The following DLG1 variants were observed in gnomAD, a reference collection of about 807,000 sequenced individuals.
The protein encoded by DLG1 is disks large homolog 1.
A neutral mutation model predicts 123.4 loss-of-function variants in DLG1; 42 were observed. The ratio of observed to expected loss-of-function variants is 0.34; its 90% confidence interval spans 0.27 to 0.44. The LOEUF (loss-of-function observed/expected upper bound fraction) is 0.44. Ranked by LOEUF, DLG1 falls within the 20% of genes least tolerant of loss-of-function variation. The probability of loss-of-function intolerance (pLI) is 1.00; values close to 1 mark genes in which losing one functional copy is unlikely to be tolerated. For synonymous variants in DLG1, 317 were observed against 356.2 expected (o/e 0.89, Z 1.24); for missense variants, 942 against 1,082.6 (o/e 0.87, Z 1.82).
intron 6 of DLG1, among the ~76,000 whole-genome samples, chr3:197,146,580 G>A (rs1201492269): frequency 6.6e-6 from 1 of 152,162 alleles, no homozygotes; most frequent in East Asian, 1.9e-4. Context: ...ATGGTGCTGG[G>A]ATAATTGGCT....
intron 16 of DLG1, among the ~76,000 whole-genome samples, chr3:197,081,991 CTA>C (rs1161072171): frequency 6.6e-6 from 1 of 152,202 alleles, no homozygotes; most frequent in East Asian, 1.9e-4. Flanking sequence ...CAAAACAAGA[CTA>C]TGAATAAATG....
chr3:197,089,677 C>G (rs1419128318), intron 15 of DLG1, among the ~76,000 whole-genome samples: 1 of 151,498 alleles, frequency 6.6e-6, no homozygotes, highest in Non-Finnish European at 1.5e-5. Flanking sequence ...AAATAAAAGG[C>G]AACACCTATT....
chr3:197,201,695 C>A (rs1271192847), intron 4 of DLG1, among the ~76,000 whole-genome samples: 1 of 151,758 alleles, frequency 6.6e-6, no homozygotes, highest in Admixed American at 6.6e-5. Flanking sequence ...GGAAAAACAC[C>A]CATGCTCATG....
At chr3:197,103,669 T>C (rs1764749985) in intron 14 of DLG1, among the ~76,000 whole-genome samples, 1 of 151,154 alleles carries the variant, frequency 6.6e-6, no homozygotes, top group Non-Finnish European at 1.5e-5. Context: ...ACTAGATTGA[T>C]AGAACCTCCC....
chr3:197,181,384 G>A (rs1711743729), intron 5 of DLG1, among the ~76,000 whole-genome samples: 1 of 152,068 alleles, frequency 6.6e-6, no homozygotes, highest in African/African-American at 2.4e-5. Flanking sequence ...ACCAATCGCA[G>A]TACAAAACAC....
intron 10 of DLG1, among the ~76,000 whole-genome samples, chr3:197,131,624 C>A: frequency 8.8e-6 from 1 of 113,134 alleles, no homozygotes; most frequent in Non-Finnish European, 1.7e-5. Flanking sequence ...GACGGAGTCT[C>A]GCTCTGTCGC....
At chr3:197,047,939 AG>A (rs1368598443) in intron 24 of DLG1, among the ~76,000 whole-genome samples, 1 of 152,226 alleles carries the variant, frequency 6.6e-6, no homozygotes, top group Non-Finnish European at 1.5e-5. Context: ...TACACAGCAA[AG>A]GAACAATCAA....
At chr3:197,154,822 G>A (rs1561090468) in intron 5 of DLG1, among the ~76,000 whole-genome samples, 1 of 152,130 alleles carries the variant, frequency 6.6e-6, no homozygotes, top group Non-Finnish European at 1.5e-5. Context: ...AGATTCAAAA[G>A]CATATCTGAG....
At chr3:197,181,278 T>C (rs1711662863) in intron 5 of DLG1, among the ~76,000 whole-genome samples, 1 of 152,218 alleles carries the variant, frequency 6.6e-6, no homozygotes, top group African/African-American at 2.4e-5. Context: ...AAAAGTATCA[T>C]GTGGCTTAGT....
rs761310206 is a variant in DLG1 at position 197,282,859 on chromosome 3, A to G, written c.152-14T>C. Reference sequence around the variant, plus strand: ...ATTCTTGAATATCTAGAAGAAGGAAAATAAAAATTCATAAGTATTTATATT... The same window carrying G: ...ATTCTTGAATATCTAGAAGAAGGAAGATAAAAATTCATAAGTATTTATATT... On this transcript the variant is annotated splice_polypyrimidine_tract_variant and intron_variant, in intron 3 of 24. Transcript: ENST00000667157. 4.2e-6 allele frequency: 6 copies of G among 1,443,408 alleles called. No homozygotes were observed. The highest frequency in any genetic ancestry group is 5.7e-6 in the Non-Finnish European group (6 of 1,055,646). The allele number at this position is 1,443,408 out of a possible 1,614,324, so 89.4% of individuals were successfully genotyped here.
In DLG1 at chr3:197,209,815, G is replaced by C. The variant is rs115686073; in HGVS notation, c.319-15226C>G. ...AAACAATTCAGAATGGAGTAATAAT[G>C]AAGCTAAATAGGACTATGTAGTAAA... On this transcript the variant is annotated intron_variant, in intron 4 of 24. Coordinates refer to ENST00000667157, the MANE Select transcript of DLG1 (RefSeq NM_001366207.1). Among the ~76,000 whole-genome samples, 391 of 146,666 alleles carry C rather than the reference G, an allele frequency of 2.7e-3. 48 individuals are homozygous for C. Among genetic ancestry groups the C allele is most frequent in the Non-Finnish European group, 4.7e-3 (306 of 65,156 alleles).
chr3:197,282,075 A>C (rs1769636555), intron 4 of DLG1, among the ~76,000 whole-genome samples: 1 of 152,252 alleles, frequency 6.6e-6, no homozygotes. Context: ...TCTTTGTTAC[A>C]AACTGCTTCA....
At chr3:197,231,304 T>C (rs1264134800) in intron 4 of DLG1, among the ~76,000 whole-genome samples, 3 of 152,266 alleles carry the variant, frequency 2.0e-5, no homozygotes, top group African/African-American at 4.8e-5. Flanking sequence ...CATCAATTTG[T>C]CTGGCAAAGA....
intron 18 of DLG1, among the ~76,000 whole-genome samples, chr3:197,071,886 C>T (rs919270637): frequency 5.3e-5 from 8 of 152,144 alleles, no homozygotes; most frequent in African/African-American, 7.2e-5. Context: ...GCTACTAAGG[C>T]TGGACAAATG....
intron 4 of DLG1, among the ~76,000 whole-genome samples, chr3:197,200,364 T>C (rs1313043257): frequency 3.3e-5 from 5 of 152,178 alleles, no homozygotes; most frequent in East Asian, 1.9e-4. Context: ...TATTGTTCCA[T>C]GCAAGCCAAT....
At chr3:197,219,239 T>C (rs757947403) in intron 4 of DLG1, among the ~76,000 whole-genome samples, 22 of 152,192 alleles carry the variant, frequency 1.4e-4, no homozygotes, top group South Asian at 6.2e-4. Context: ...GTTTCTTCTT[T>C]GGTAGTAGCA....
At chr3:197,196,230 A>G (rs1162976865) in intron 4 of DLG1, among the ~76,000 whole-genome samples, 1 of 151,466 alleles carries the variant, frequency 6.6e-6, no homozygotes, top group Non-Finnish European at 1.5e-5. Flanking sequence ...GCTGAAAGTT[A>G]CTATACAACC....
At chr3:197,115,904 T>C (rs753357907) in intron 13 of DLG1, 23 bp downstream of exon 13, 2 of 1,601,760 alleles carry the variant, frequency 1.2e-6, no homozygotes, top group South Asian at 2.3e-5. Flanking sequence ...AACAAAAACG[T>C]GATCTTGACT....
At chr3:197,131,967 C>A (rs79722548) in intron 10 of DLG1, among the ~76,000 whole-genome samples, 6 of 152,230 alleles carry the variant, frequency 3.9e-5, no homozygotes, top group African/African-American at 4.8e-5. Context: ...TCAACTATAA[C>A]ACTGATTAGA....
Sources: gnomAD v4.1 joint callset for allele counts (sites outside exome capture counted in the v4.1 genomes callset) on GRCh38, gnomAD v4.1.1 for gene constraint, MANE v1.5 for transcripts, NCBI Gene and HGNC (gene_info 2026-07-23, HGNC 2026-07-21) for gene names.